Variants in DRC8 observed in about 807,000 individuals in gnomAD.
DRC8 encodes dynein regulatory complex protein 8.
the DRC8 span, among the ~76,000 whole-genome samples, chr1:245,062,829 G>A: frequency 2.0e-5 from 3 of 152,018 alleles, no homozygotes; most frequent in African/African-American, 2.4e-5. Context: ...ACCTTTCCCC[G>A]TGACTCCCTC....
the DRC8 span, among the ~76,000 whole-genome samples, chr1:245,050,883 A>G: frequency 6.6e-6 from 1 of 151,372 alleles, no homozygotes; most frequent in East Asian, 2.0e-4. Context: ...GAAATATTTT[A>G]TTTTTTTACT....
the DRC8 span, among the ~76,000 whole-genome samples, chr1:245,012,991 TAATCTC>T: frequency 6.6e-6 from 1 of 152,178 alleles, no homozygotes; most frequent in African/African-American, 2.4e-5. Context: ...TTGATAGAAT[TAATCTC>T]AATCACATAA....
At chr1:245,026,141 A>C in the DRC8 span, among the ~76,000 whole-genome samples, 1 of 152,192 alleles carries the variant, frequency 6.6e-6, no homozygotes, top group African/African-American at 2.4e-5. Context: ...CCACTTGCTA[A>C]TACAGTGAGT....
the DRC8 span, among the ~76,000 whole-genome samples, chr1:245,088,159 A>G: frequency 6.6e-6 from 1 of 152,210 alleles, no homozygotes; most frequent in African/African-American, 2.4e-5. The surrounding 1 kb of genome is among the most constrained non-coding windows in gnomAD (Gnocchi z 4.6). Flanking sequence ...AGCAGTCACA[A>G]TGGAAAAATA....
the DRC8 span, among the ~76,000 whole-genome samples, chr1:245,042,531 C>T: frequency 2.0e-5 from 3 of 152,294 alleles, no homozygotes; most frequent in East Asian, 1.9e-4. Context: ...AAATGCCCTC[C>T]GTAAGGGCGA....
the DRC8 span, chr1:245,030,675 G>A: frequency 6.6e-6 from 1 of 152,084 alleles, no homozygotes; most frequent in Non-Finnish European, 1.5e-5. Context: ...TTTTGCTCCC[G>A]ACTGATTTGA....
At chr1:245,017,087 C>A in the DRC8 span, among the ~76,000 whole-genome samples, 2 of 152,198 alleles carry the variant, frequency 1.3e-5, no homozygotes, top group Non-Finnish European at 2.9e-5. Context: ...CCTTTGACAT[C>A]TCCAGAGGAA....
the DRC8 span, among the ~76,000 whole-genome samples, chr1:245,022,344 A>G: frequency 6.7e-6 from 1 of 150,274 alleles, no homozygotes. Flanking sequence ...CCATACTTTT[A>G]GTAGAGACAG....
the DRC8 span, among the ~76,000 whole-genome samples, chr1:245,001,354 A>T: frequency 6.6e-6 from 1 of 152,138 alleles, no homozygotes; most frequent in African/African-American, 2.4e-5. Context: ...ATGCCATGTT[A>T]TACTAATACA....
the DRC8 span, chr1:245,082,043 G>A: frequency 3.3e-6 from 5 of 1,510,396 alleles, no homozygotes; most frequent in Admixed American, 6.7e-5. Flanking sequence ...GAATACATTT[G>A]TTGAATGACT....
chr1:245,055,838 A>G, the DRC8 span, among the ~76,000 whole-genome samples: 1 of 152,108 alleles, frequency 6.6e-6, no homozygotes, highest in Non-Finnish European at 1.5e-5. Context: ...GTTTAAGACA[A>G]TTACAGCCTT....
chr1:245,086,817 G>A, the DRC8 span: 7 of 533,586 alleles, frequency 1.3e-5, no homozygotes, highest in African/African-American at 7.7e-5. Flanking sequence ...CTCAGAGCTC[G>A]TGAGAGGCAG....
chr1:245,085,417 T>C, the DRC8 span, among the ~76,000 whole-genome samples: 1 of 152,148 alleles, frequency 6.6e-6, no homozygotes, highest in Non-Finnish European at 1.5e-5. Context: ...AATGAGTAGA[T>C]GATGAAGACC....
chr1:245,086,899 G>T, the DRC8 span: 1 of 501,226 alleles, frequency 2.0e-6, no homozygotes, highest in South Asian at 1.5e-5. Context: ...AAATACTGGG[G>T]CTTCAAGTTA....
chr1:244,990,017 GTCTTTAA>G, the DRC8 span, among the ~76,000 whole-genome samples: 3 of 152,212 alleles, frequency 2.0e-5, no homozygotes, highest in Non-Finnish European at 4.4e-5. Flanking sequence ...TATGCTACCT[GTCTTTAA>G]TCATTGACAT....
the DRC8 span, among the ~76,000 whole-genome samples, chr1:244,977,018 A>C: frequency 2.6e-5 from 4 of 152,218 alleles, no homozygotes. Flanking sequence ...ACATCATGCT[A>C]AGTGAAATAA....
At chr1:245,122,993 T>C in the DRC8 span, 1 of 152,348 alleles carries the variant, frequency 6.6e-6, no homozygotes, top group Middle Eastern at 3.4e-3. Flanking sequence ...TCATACAATA[T>C]GTGGCCTTCT....
At chr1:244,987,239 C>A in the DRC8 span, among the ~76,000 whole-genome samples, 8,288 of 150,176 alleles carry the variant, frequency 0.055, 719 homozygotes, top group African/African-American at 0.19. Flanking sequence ...CTTGCTCTGT[C>A]GCTCTGGCTG....
the DRC8 span, among the ~76,000 whole-genome samples, chr1:245,119,841 G>C: frequency 6.6e-6 from 1 of 151,802 alleles, no homozygotes; most frequent in Admixed American, 6.6e-5. Flanking sequence ...GCTGAGGCAG[G>C]AGAATGGCGT....
Sources: allele counts gnomAD v4.1 joint callset (sites outside exome capture counted in the v4.1 genomes callset), GRCh38; gene constraint gnomAD v4.1.1; non-coding constraint Gnocchi (gnomAD v3.1); transcripts MANE v1.5; gene names NCBI Gene and HGNC (gene_info 2026-07-23, HGNC 2026-07-21).